The following RBMS3 variants were observed in gnomAD, a reference collection of about 807,000 sequenced individuals.
RBMS3 encodes the protein RNA binding motif single stranded interacting protein 3, also known as RNA-binding motif, single-stranded-interacting protein 3.
In RBMS3, 27 loss-of-function variants were observed where a neutral mutation model predicts 66.8. That is an observed-to-expected ratio of 0.40 (90% CI 0.30 to 0.56). RBMS3 has a LOEUF of 0.56. Ranked by LOEUF, RBMS3 falls within the 20% of genes least tolerant of loss-of-function variation. The probability of loss-of-function intolerance (pLI) is 0.40; values close to 1 mark genes in which losing one functional copy is unlikely to be tolerated. For synonymous variants in RBMS3, 188 were observed against 183.0 expected (o/e 1.03, Z -0.22); for missense variants, 513 against 549.5 (o/e 0.93, Z 0.66).
rs1553626453 is a variant in RBMS3 at position 29,284,868 on chromosome 3, T to TC, written c.75+3112_75+3113insC. ...TTCTTTTTGATGAATTTTTCTTTTT[T>TC]TTTTTTTTTTTTTTTACCAAAAGAA... On this transcript the variant is annotated intron_variant, in intron 1 of 14. Transcript: ENST00000383767. 6.5e-3 allele frequency among the ~76,000 whole-genome samples: 809 copies of TC among 125,300 alleles called. 12 individuals carry two copies. Among genetic ancestry groups the TC allele is most frequent in the African/African-American group, 0.025 (753 of 30,612 alleles). The allele number at this position is 125,300 out of a possible 152,430, so 82.2% of individuals were successfully genotyped here. A position where few individuals can be genotyped will look rare whatever the true frequency, so the allele number is the denominator to read the frequency against.
rs145942531 is a variant in RBMS3 at position 29,439,300 on chromosome 3, A to G, written c.248+4385A>G. On this transcript the variant is annotated intron_variant, in intron 2 of 14. Transcript: ENST00000383767. ...TTCGCATAGCTATATTTTTGTTTCAAATAGGTAACTCCAGCTGCAGAGTAC... is the reference window on the plus strand; with the variant it reads ...TTCGCATAGCTATATTTTTGTTTCAGATAGGTAACTCCAGCTGCAGAGTAC... 3.7e-3 allele frequency among the ~76,000 whole-genome samples: 559 copies of G among 152,290 alleles called. 5 individuals carry two copies. Among genetic ancestry groups the G allele is most frequent in the African/African-American group, 0.012 (509 of 41,556 alleles).
chr3:29,360,078 C>T (rs1381029672), intron 1 of RBMS3, among the ~76,000 whole-genome samples: 1 of 152,058 alleles, frequency 6.6e-6, no homozygotes, highest in Non-Finnish European at 1.5e-5. Flanking sequence ...TTATTCCTTG[C>T]CTTCTGCAAG....
chr3:29,393,412 G>A (rs1575695642), intron 1 of RBMS3, among the ~76,000 whole-genome samples: 1 of 152,258 alleles, frequency 6.6e-6, no homozygotes, highest in African/African-American at 2.4e-5. Flanking sequence ...CTTAAGAGGT[G>A]TATATTCCAA....
chr3:29,552,186 C>T (rs2046201258), intron 3 of RBMS3, among the ~76,000 whole-genome samples: 1 of 152,194 alleles, frequency 6.6e-6, no homozygotes, highest in East Asian at 1.9e-4. Context: ...TGCTGAAGTT[C>T]GTTGGCAAAT....
In RBMS3 at chr3:29,491,312, T is replaced by C. The variant is rs182238831; in HGVS notation, c.307+2813T>C. On this transcript the variant is annotated intron_variant, in intron 3 of 14. Transcript: ENST00000383767. Reference sequence around the variant, plus strand: ...TGTTTCTGTAGAGAGATTCCTAAAATCAGTGGAAACAGGGCCTGTGTGCTA... The same window carrying C: ...TGTTTCTGTAGAGAGATTCCTAAAACCAGTGGAAACAGGGCCTGTGTGCTA... Among the ~76,000 whole-genome samples, 360 of 152,208 alleles carry C rather than the reference T, an allele frequency of 2.4e-3. 1 individual carries two copies. Among genetic ancestry groups the C allele is most frequent in the Non-Finnish European group, 3.7e-3 (250 of 68,008 alleles).
intron 3 of RBMS3, among the ~76,000 whole-genome samples, chr3:29,505,518 T>G (rs73044666): frequency 0.043 from 5,152 of 118,468 alleles, 125 homozygotes; most frequent in African/African-American, 0.08. Context: ...TTTTTTTTTT[T>G]GTTGTTTGTT....
chr3:29,536,962 G>T (rs1274549785), intron 3 of RBMS3, among the ~76,000 whole-genome samples: 1 of 152,188 alleles, frequency 6.6e-6, no homozygotes, highest in African/African-American at 2.4e-5. Context: ...CTACCAGTAG[G>T]TTCTGGAGAG....
At chr3:29,383,222 G>A (rs1191351665) in intron 1 of RBMS3, among the ~76,000 whole-genome samples, 1 of 152,194 alleles carries the variant, frequency 6.6e-6, no homozygotes, top group African/African-American at 2.4e-5. Context: ...CCATAAATAA[G>A]TTAAAAAATT....
chr3:30,002,084 G>C (rs1223644135), intron 14 of RBMS3, among the ~76,000 whole-genome samples: 5 of 151,952 alleles, frequency 3.3e-5, no homozygotes, highest in Non-Finnish European at 7.4e-5. Context: ...TTTTCATGTG[G>C]CAATGGGACC....
chr3:29,949,903 A>G (rs1245709147), intron 12 of RBMS3, among the ~76,000 whole-genome samples: 2 of 151,848 alleles, frequency 1.3e-5, no homozygotes, highest in Non-Finnish European at 2.9e-5. Context: ...TAGAGAAAAG[A>G]TGAGAAATAT....
At chr3:29,677,516 T>G (rs1227608473) in intron 4 of RBMS3, among the ~76,000 whole-genome samples, 1 of 152,154 alleles carries the variant, frequency 6.6e-6, no homozygotes, top group African/African-American at 2.4e-5. Flanking sequence ...AATATTTTTG[T>G]TTGGTGTTAT....
intron 1 of RBMS3, among the ~76,000 whole-genome samples, chr3:29,342,552 CTAATT>C (rs1055022601): frequency 1.3e-5 from 2 of 151,924 alleles, no homozygotes; most frequent in Non-Finnish European, 2.9e-5. Context: ...CAATAAATAG[CTAATT>C]TAAAGCTTGG....
At chr3:29,537,199 T>TAGTTTGTC (rs3836338) in intron 3 of RBMS3, among the ~76,000 whole-genome samples, 6,974 of 152,264 alleles carry the variant, frequency 0.046, 196 homozygotes, top group South Asian at 0.1. Context: ...TGAGGGAAAG[T>TAGTTTGTC]AGTTTGTCAG....
At chr3:29,954,463 T>G (rs1415472933) in intron 12 of RBMS3, among the ~76,000 whole-genome samples, 1 of 152,016 alleles carries the variant, frequency 6.6e-6, no homozygotes, top group African/African-American at 2.4e-5. Context: ...CCAAGATGTT[T>G]TAAGTGTAGC....
chr3:29,542,337 C>G (rs950646592), intron 3 of RBMS3, among the ~76,000 whole-genome samples: 1 of 150,716 alleles, frequency 6.6e-6, no homozygotes, highest in African/African-American at 2.5e-5. Flanking sequence ...ATTCTTCACC[C>G]AAAATCAAGA....
At chr3:29,739,951 A>G in intron 5 of RBMS3, 74 bp downstream of exon 5, 1 of 1,166,296 alleles carries the variant, frequency 8.6e-7, no homozygotes, top group Non-Finnish European at 1.1e-6. Flanking sequence ...TTTTAGTACT[A>G]GAGCCCAAAG....
intron 1 of RBMS3, among the ~76,000 whole-genome samples, chr3:29,403,080 G>C (rs2039880336): frequency 6.6e-6 from 1 of 151,736 alleles, no homozygotes; most frequent in African/African-American, 2.4e-5. Flanking sequence ...CTGAGCTGCT[G>C]GTTATAAATG....
chr3:29,570,479 C>T (rs1348379469), intron 3 of RBMS3, among the ~76,000 whole-genome samples: 1 of 152,110 alleles, frequency 6.6e-6, no homozygotes, highest in African/African-American at 2.4e-5. Flanking sequence ...TCCCCTGCTA[C>T]AGTTCCCAGC....
chr3:29,667,602 T>C (rs370189176), intron 4 of RBMS3, among the ~76,000 whole-genome samples: 2 of 152,276 alleles, frequency 1.3e-5, no homozygotes, highest in African/African-American at 2.4e-5. Context: ...AGATGCAAAA[T>C]ATATGTTTCC....
Sources: gnomAD v4.1 joint callset for allele counts (sites outside exome capture counted in the v4.1 genomes callset) on GRCh38, gnomAD v4.1.1 for gene constraint, MANE v1.5 for transcripts, NCBI Gene and HGNC (gene_info 2026-07-23, HGNC 2026-07-21) for gene names.